Variants in KCNH8 observed in about 807,000 individuals in gnomAD.
The protein encoded by KCNH8 is potassium voltage-gated channel subfamily H member 8.
A neutral mutation model predicts 103.6 loss-of-function variants in KCNH8; 70 were observed. The observed-to-expected ratio is 0.68, with a 90% CI of 0.56 to 0.82. KCNH8 has a LOEUF of 0.82. Ranked by LOEUF, KCNH8 falls within the 40% of genes least tolerant of loss-of-function variation. KCNH8 has a pLI of 0.00. For synonymous variants in KCNH8, 498 were observed against 489.4 expected (o/e 1.02, Z -0.23); for missense variants, 1,217 against 1,329.9 (o/e 0.92, Z 1.32).
chr3:19,513,058 A>G lies in KCNH8; in HGVS notation c.2168A>G (p.Glu723Gly), dbSNP rs1213883720. 37 of 1,613,550 alleles carry G rather than the reference A, an allele frequency of 2.3e-5. No individual in the cohort carries two copies. The highest frequency in any genetic ancestry group is 3.0e-5 in the Non-Finnish European group (35 of 1,179,818). ...GAGGAGGAGGAGGGGGAGGAAGAGG[A>G]GGCAGTCTCCCTCTCTCCCATCTGC... is the stretch of plus-strand genomic sequence containing the variant. ...EEEEEEGEEE[E>G]AVSLSPICTR... The change falls in exon 13 of 16, where the codon GAG becomes GGG. Residue 723 changes from glutamate (E) to glycine (G), a missense_variant. Glu to Gly is a moderately conservative substitution (Grantham distance 98). This residue lies in a region of KCNH8 where 558 missense variants were observed against 495.8 expected (regional missense o/e 1.13). Coordinates refer to ENST00000328405, the MANE Select transcript of KCNH8 (RefSeq NM_144633.3).
intron 3 of KCNH8, among the ~76,000 whole-genome samples, chr3:19,318,819 C>A (rs2065311825): frequency 6.6e-6 from 1 of 151,406 alleles, no homozygotes; most frequent in Non-Finnish European, 1.5e-5. Context: ...ACGTCTATTA[C>A]TTTATGATTT....
At chr3:19,375,501 A>G (rs540804444) in intron 5 of KCNH8, among the ~76,000 whole-genome samples, 98 of 149,586 alleles carry the variant, frequency 6.6e-4, no homozygotes, top group African/African-American at 2.4e-3. Flanking sequence ...CTAGTTATAC[A>G]TTCTTCTAAA....
rs181819711 is a variant in KCNH8 at position 19,340,061 on chromosome 3, G to A, written c.443-2526G>A. Among the ~76,000 whole-genome samples, 206 of 151,984 alleles carry A rather than the reference G, an allele frequency of 1.4e-3. 1 individual carries two copies. Among genetic ancestry groups the A allele is most frequent in the African/African-American group, 3.6e-3 (148 of 41,466 alleles). ...GTGTTATTAGACCTTCAGTTTTCTC[G>A]TCTGTAAATGGAGAATAATAATACT... On this transcript the variant is annotated intron_variant, in intron 3 of 15. Transcript: ENST00000328405.
At chr3:19,292,423 A>G (rs1322081676) in intron 3 of KCNH8, among the ~76,000 whole-genome samples, 1 of 152,200 alleles carries the variant, frequency 6.6e-6, no homozygotes, top group African/African-American at 2.4e-5. Context: ...GGCATTGTTA[A>G]TTACACTGGT....
chr3:19,367,871 A>G (rs1256173854), intron 5 of KCNH8, among the ~76,000 whole-genome samples: 2 of 152,062 alleles, frequency 1.3e-5, no homozygotes, highest in Non-Finnish European at 2.9e-5. Flanking sequence ...AGACCCTTGC[A>G]AACACATCAA....
intron 7 of KCNH8, among the ~76,000 whole-genome samples, chr3:19,437,581 G>T (rs2067218537): frequency 6.6e-6 from 1 of 152,046 alleles, no homozygotes; most frequent in African/African-American, 2.4e-5. Context: ...TTTCGAAGTG[G>T]GACTGCAAAG....
intron 7 of KCNH8, among the ~76,000 whole-genome samples, chr3:19,423,415 G>C (rs979964458): frequency 6.6e-6 from 1 of 152,004 alleles, no homozygotes; most frequent in Non-Finnish European, 1.5e-5. Context: ...CTATTGTGTA[G>C]TCTTTTATCC....
chr3:19,294,795 C>G (rs1242362623), intron 3 of KCNH8, among the ~76,000 whole-genome samples: 1 of 152,030 alleles, frequency 6.6e-6, no homozygotes, highest in African/African-American at 2.4e-5. Context: ...GTGGTAAGTA[C>G]TAGGCATAAT....
At chr3:19,364,217 C>T (rs2065981392) in intron 5 of KCNH8, among the ~76,000 whole-genome samples, 1 of 152,054 alleles carries the variant, frequency 6.6e-6, no homozygotes, top group East Asian at 1.9e-4. Flanking sequence ...CATATACCCC[C>T]ACGTCTTCAT....
At chr3:19,319,392 A>G (rs1253151419) in intron 3 of KCNH8, among the ~76,000 whole-genome samples, 6 of 151,900 alleles carry the variant, frequency 3.9e-5, no homozygotes, top group Non-Finnish European at 8.8e-5. Context: ...TGGCTTGCCA[A>G]TTATCCCAGC....
At position 19,533,844 on chromosome 3, in the gene KCNH8, G is replaced by A; in HGVS notation, c.3069G>A (p.Leu1023=). The change falls in exon 16 of 16, where the codon CTG becomes CTA. Residue 1023 remains leucine (L), a synonymous_variant. Transcript: ENST00000328405. ...ATTCAGATTCTACGTTGACGCCTCTGCAGTCCATTTCAGCAACTCTCTCAT... is the reference window on the plus strand; with the variant it reads ...ATTCAGATTCTACGTTGACGCCTCTACAGTCCATTTCAGCAACTCTCTCAT... ...SPHSDSTLTP[L]QSISATLSSS... 6.2e-7 allele frequency: 1 copy of A among 1,614,120 alleles called. No individual in the cohort carries two copies. Among genetic ancestry groups the A allele is most frequent in the Non-Finnish European group, 8.5e-7 (1 of 1,180,012 alleles).
chr3:19,341,418 G>T (rs748177385), intron 3 of KCNH8, among the ~76,000 whole-genome samples: 11 of 152,134 alleles, frequency 7.2e-5, no homozygotes, highest in Non-Finnish European at 1.5e-4. Flanking sequence ...ATGTTTGCTT[G>T]ACATTTCTGG....
chr3:19,184,162 C>G (rs982686130), intron 1 of KCNH8, among the ~76,000 whole-genome samples: 7 of 151,976 alleles, frequency 4.6e-5, no homozygotes, highest in Non-Finnish European at 8.8e-5. Context: ...TTTATAATAG[C>G]AAATTTTACT....
At chr3:19,463,978 C>A (rs2067686269) in intron 11 of KCNH8, among the ~76,000 whole-genome samples, 1 of 152,114 alleles carries the variant, frequency 6.6e-6, no homozygotes, top group East Asian at 1.9e-4. Context: ...AACAATACCG[C>A]TTGCGTAAAT....
intron 7 of KCNH8, among the ~76,000 whole-genome samples, chr3:19,396,819 C>G (rs2066525719): frequency 6.6e-6 from 1 of 151,948 alleles, no homozygotes; most frequent in African/African-American, 2.4e-5. Flanking sequence ...TAATGGTGTT[C>G]AGTAAATTAC....
intron 8 of KCNH8, among the ~76,000 whole-genome samples, chr3:19,444,211 G>T (rs2067328307): frequency 6.6e-6 from 1 of 151,956 alleles, no homozygotes; most frequent in Admixed American, 6.6e-5. Flanking sequence ...TGAAATAGAA[G>T]AGAGTTCAGA....
intron 3 of KCNH8, among the ~76,000 whole-genome samples, chr3:19,293,203 A>G (rs727139): frequency 0.13 from 19,262 of 152,176 alleles, 1,646 homozygotes; most frequent in Non-Finnish European, 0.19. Flanking sequence ...AGATGGAGAC[A>G]GGGTAAAGTT....
At chr3:19,169,819 A>G (rs920730149) in intron 1 of KCNH8, among the ~76,000 whole-genome samples, 3 of 152,186 alleles carry the variant, frequency 2.0e-5, no homozygotes, top group Non-Finnish European at 4.4e-5. Flanking sequence ...ATTTTTTGGA[A>G]CCTATCAAGG....
intron 7 of KCNH8, among the ~76,000 whole-genome samples, chr3:19,421,598 A>G (rs947755785): frequency 6.6e-6 from 1 of 152,052 alleles, no homozygotes; most frequent in Non-Finnish European, 1.5e-5. Context: ...CAAAGATTTA[A>G]TTCACTAATC....
Sources: allele counts gnomAD v4.1 joint callset (sites outside exome capture counted in the v4.1 genomes callset), GRCh38; gene constraint gnomAD v4.1.1; regional missense constraint gnomAD v4.1.1; transcripts MANE v1.5; gene names NCBI Gene and HGNC (gene_info 2026-07-23, HGNC 2026-07-21).